The following TOX variants were observed in gnomAD, a reference collection of about 807,000 sequenced individuals.
TOX encodes thymocyte selection-associated high mobility group box protein TOX.
A neutral mutation model predicts 53.7 loss-of-function variants in TOX; 11 were observed. That is an observed-to-expected ratio of 0.20 (90% CI 0.13 to 0.34). TOX has a LOEUF of 0.34. TOX is among the 10% of genes least tolerant of loss of function. The pLI, the probability that TOX is intolerant of heterozygous loss-of-function variation, is 1.00. For synonymous variants in TOX, 225 were observed against 245.3 expected, an observed-to-expected ratio of 0.92 and a Z score of 0.77; for missense variants, 570 against 664.6, an observed-to-expected ratio of 0.86 and a Z score of 1.56.
intron 3 of TOX, among the ~76,000 whole-genome samples, chr8:58,920,749 G>GAAAAAAAAAAAAAA (rs67652722): frequency 2.7e-5 from 3 of 110,866 alleles, no homozygotes; most frequent in Non-Finnish European, 3.7e-5. Context: ...AAAAAAAGAA[G>GAAAAAAAAAAAAAA]AAAAAAAAAA....
intron 1 of TOX, among the ~76,000 whole-genome samples, chr8:58,971,481 A>T (rs1248043740): frequency 6.6e-6 from 1 of 152,238 alleles, no homozygotes; most frequent in African/African-American, 2.4e-5. Context: ...TCAGATTTAG[A>T]TGAGACATGC....
intron 3 of TOX, among the ~76,000 whole-genome samples, chr8:58,890,249 C>G (rs1002494893): frequency 7.4e-6 from 1 of 134,990 alleles, no homozygotes; most frequent in African/African-American, 2.5e-5. Flanking sequence ...ATCATATTCA[C>G]AGGACTTAAG....
At chr8:58,885,745 C>T (rs1811455682) in intron 3 of TOX, among the ~76,000 whole-genome samples, 1 of 152,144 alleles carries the variant, frequency 6.6e-6, no homozygotes, top group Non-Finnish European at 1.5e-5. Context: ...GGTGTGTTTG[C>T]TGTGTTGATT....
intron 1 of TOX, among the ~76,000 whole-genome samples, chr8:58,962,012 A>T (rs1812808243): frequency 6.6e-6 from 1 of 152,240 alleles, no homozygotes; most frequent in African/African-American, 2.4e-5. Context: ...CTCTGACTGT[A>T]ACAAACTAAA....
At chr8:59,045,881 G>T (rs1464996291) in intron 1 of TOX, among the ~76,000 whole-genome samples, 1 of 152,296 alleles carries the variant, frequency 6.6e-6, no homozygotes, top group East Asian at 1.9e-4. Context: ...AGCTTCTTTT[G>T]CCCTTGACTT....
intron 3 of TOX, among the ~76,000 whole-genome samples, chr8:58,902,611 T>C (rs1213335466): frequency 1.3e-5 from 2 of 152,316 alleles, no homozygotes; most frequent in African/African-American, 2.4e-5. Context: ...ATGAATCTTA[T>C]AAGTTTTCTG....
chr8:58,894,256 T>C (rs1811604141), intron 3 of TOX, among the ~76,000 whole-genome samples: 1 of 152,226 alleles, frequency 6.6e-6, no homozygotes, highest in Admixed American at 6.5e-5. Flanking sequence ...TACGGCAATC[T>C]GTGCAGGTAC....
intron 1 of TOX, among the ~76,000 whole-genome samples, chr8:59,042,858 A>C (rs1299187692): frequency 1.3e-5 from 2 of 152,206 alleles, no homozygotes; most frequent in African/African-American, 4.8e-5. Context: ...TTTATGGGGT[A>C]CAATGTGATG....
At chr8:59,002,280 ACTTTT>A (rs1260524484) in intron 1 of TOX, among the ~76,000 whole-genome samples, 4 of 148,558 alleles carry the variant, frequency 2.7e-5, no homozygotes, top group African/African-American at 9.8e-5. Flanking sequence ...GGCAGGAAAT[ACTTTT>A]CTTTAAAAAA....
In TOX at chr8:58,815,704, G is replaced by A. The variant is rs111551773; in HGVS notation, c.1026C>T (p.Asp342=). ...LVSKSYSEPV[D]VKTSQPPQLI... is the part of the protein sequence containing the mutation. ...GCTGAGGAGGTTGAGATGTCTTCAC[G>A]TCAACAGGTTCACTGTAGCTCTGTT... The change falls in exon 7 of 9, where the codon GAC becomes GAT. Residue 342 remains aspartate (D), a synonymous_variant. Coordinates refer to ENST00000361421, the MANE Select transcript of TOX (RefSeq NM_014729.3). The A allele has an allele frequency of 1.5e-4, 241 of 1,612,314 alleles. 1 individual carries two copies. Among genetic ancestry groups the A allele is most frequent in the Non-Finnish European group, 5.3e-5 (63 of 1,179,128 alleles).
At chr8:59,030,674 A>G (rs905464433) in intron 1 of TOX, among the ~76,000 whole-genome samples, 2 of 152,198 alleles carry the variant, frequency 1.3e-5, no homozygotes, top group African/African-American at 4.8e-5. Flanking sequence ...TACTGAGGCT[A>G]CTGGCTCCCG....
intron 1 of TOX, among the ~76,000 whole-genome samples, chr8:59,081,233 G>C (rs960344385): frequency 6.6e-6 from 1 of 151,974 alleles, no homozygotes; most frequent in African/African-American, 2.4e-5. Flanking sequence ...CTCCATGTTG[G>C]CCAGGGTGGT....
chr8:59,015,591 G>C (rs1055898271), intron 1 of TOX, among the ~76,000 whole-genome samples: 1 of 152,090 alleles, frequency 6.6e-6, no homozygotes, highest in Non-Finnish European at 1.5e-5. Context: ...ATTATAAAAT[G>C]TAAATTTATT....
chr8:58,908,760 A>T (rs1028135212), intron 3 of TOX, among the ~76,000 whole-genome samples: 1 of 152,206 alleles, frequency 6.6e-6, no homozygotes, highest in Non-Finnish European at 1.5e-5. Flanking sequence ...ATATATATTT[A>T]CTGAATAAAT....
intron 3 of TOX, among the ~76,000 whole-genome samples, chr8:58,905,006 C>A (rs1167615134): frequency 6.6e-6 from 1 of 152,212 alleles, no homozygotes; most frequent in East Asian, 1.9e-4. Flanking sequence ...GATCTTGGCT[C>A]ACTGCAAGCT....
chr8:59,090,265 T>C (rs763288368), intron 1 of TOX, among the ~76,000 whole-genome samples: 22 of 152,300 alleles, frequency 1.4e-4, no homozygotes, highest in Non-Finnish European at 2.6e-4. Context: ...GCACACAGTG[T>C]GGAAAATGCT....
chr8:58,880,233 G>A lies in TOX; in HGVS notation c.412-28428C>T, dbSNP rs909544272. Among the ~76,000 whole-genome samples, 9 of 152,154 alleles carry A rather than the reference G, an allele frequency of 5.9e-5. No homozygotes were observed. The East Asian group carries it at 1.7e-3, about 29-fold the overall frequency. Reference sequence around the variant, plus strand: ...GGATGTCAGTGCTCTGGGATGAGGGGGCAGTAGACAATGGCATTGCAGAGT... The same window carrying A: ...GGATGTCAGTGCTCTGGGATGAGGGAGCAGTAGACAATGGCATTGCAGAGT... On this transcript the variant is annotated intron_variant, in intron 3 of 8. Coordinates refer to ENST00000361421, the MANE Select transcript of TOX (RefSeq NM_014729.3).
intron 3 of TOX, among the ~76,000 whole-genome samples, chr8:58,880,743 TATAA>T (rs748704347): frequency 6.6e-6 from 1 of 152,228 alleles, no homozygotes; most frequent in Non-Finnish European, 1.5e-5. Flanking sequence ...CTTTGAAGCT[TATAA>T]ATAATGTTTC....
At chr8:58,866,946 C>T (rs1811113840) in intron 3 of TOX, among the ~76,000 whole-genome samples, 1 of 152,082 alleles carries the variant, frequency 6.6e-6, no homozygotes, top group African/African-American at 2.4e-5. Context: ...CACAACATGA[C>T]AACTCCAATA....
Sources: gnomAD v4.1 joint callset for allele counts (sites outside exome capture counted in the v4.1 genomes callset) on GRCh38, gnomAD v4.1.1 for gene constraint, MANE v1.5 for transcripts, NCBI Gene and HGNC (gene_info 2026-07-23, HGNC 2026-07-21) for gene names.